The following ABLIM1 variants were observed in gnomAD, a reference collection of about 807,000 sequenced individuals.
ABLIM1 encodes actin binding LIM protein 1, also known as actin-binding LIM protein 1.
ABLIM1 carries 40 observed loss-of-function variants against 107.0 expected under a neutral mutation model. That is an observed-to-expected ratio of 0.37 (90% CI 0.29 to 0.49). ABLIM1 has a LOEUF of 0.49. Ranked by LOEUF, ABLIM1 falls within the 20% of genes least tolerant of loss-of-function variation. The probability of loss-of-function intolerance (pLI) is 0.97; values close to 1 mark genes in which losing one functional copy is unlikely to be tolerated. For missense variants in ABLIM1, 857 were observed against 1,008.5 expected, an observed-to-expected ratio of 0.85 and a Z score of 2.04; for synonymous variants, 357 against 357.3, an observed-to-expected ratio of 1.00 and a Z score of 0.01.
intron 12 of ABLIM1, among the ~76,000 whole-genome samples, chr10:114,459,573 A>C (rs2063470200): frequency 6.6e-6 from 1 of 150,962 alleles, no homozygotes; most frequent in Admixed American, 6.6e-5. Context: ...TTTTTTTTAC[A>C]CTGCTCCCTG....
upstream of ABLIM1, among the ~76,000 whole-genome samples, chr10:114,661,514 G>C (rs1229013331): frequency 1.3e-5 from 2 of 152,202 alleles, no homozygotes; most frequent in Non-Finnish European, 2.9e-5. Context: ...CACAGTTGGG[G>C]AAGACCCTAA....
At chr10:114,776,897 T>C in the ABLIM1 span, among the ~76,000 whole-genome samples, 8 of 152,194 alleles carry the variant, frequency 5.3e-5, no homozygotes, top group Non-Finnish European at 7.3e-5. Context: ...GGATTACAGG[T>C]GTGAGCCATC....
chr10:114,664,617 C>T (rs144573389), intron 1 of ABLIM1, among the ~76,000 whole-genome samples: 3,627 of 151,704 alleles, frequency 0.024, 113 homozygotes, highest in African/African-American at 0.076. Flanking sequence ...GATCTTGGCT[C>T]ACTGCAACCT....
At chr10:114,637,035 TAAAAA>T (rs3061732) in intron 1 of ABLIM1, among the ~76,000 whole-genome samples, 8 of 104,034 alleles carry the variant, frequency 7.7e-5, no homozygotes, top group Admixed American at 1.2e-4. Flanking sequence ...GCTGTCTCTT[TAAAAA>T]AAAAAAAAAA....
chr10:114,669,101 T>G (rs1263558811), intron 1 of ABLIM1, among the ~76,000 whole-genome samples: 1 of 152,234 alleles, frequency 6.6e-6, no homozygotes. Flanking sequence ...ATATGAAAAC[T>G]GCCCATCTAG....
intron 2 of ABLIM1, among the ~76,000 whole-genome samples, chr10:114,598,625 A>G (rs1457194927): frequency 6.6e-6 from 1 of 151,984 alleles, no homozygotes; most frequent in East Asian, 1.9e-4. Flanking sequence ...ACAAACAAAA[A>G]AAGAAATGTG....
At chr10:114,689,098 C>T (rs917937270), upstream of ABLIM1, among the ~76,000 whole-genome samples, 5 of 152,206 alleles carry the variant, frequency 3.3e-5, no homozygotes, top group South Asian at 4.2e-4. Flanking sequence ...GGGAGGCCAT[C>T]GTAGCAGGCT....
chr10:114,571,345 A>G lies in ABLIM1; in HGVS notation c.625T>C (p.Cys209Arg). The change falls in exon 4 of 23, where the codon TGT becomes CGT. Residue 209 changes from cysteine (C) to arginine (R), a missense_variant. This residue lies in a region of ABLIM1 where 381 missense variants were observed against 506.9 expected (regional missense o/e 0.75). Transcript: ENST00000533213. ...GGACTGGACGACATCGGCTGTGCACAGAGTTGACAAAGGCAGTCTCTCCCA... is the reference window on the plus strand; with the variant it reads ...GGACTGGACGACATCGGCTGTGCACGGAGTTGACAAAGGCAGTCTCTCCCA... ...FNGRDCLCQL[C>R]AQPMSSSPKE... 1 of 1,614,222 alleles carries G rather than the reference A, an allele frequency of 6.2e-7. No individual in the cohort carries two copies. The highest frequency in any genetic ancestry group is 8.5e-7 in the Non-Finnish European group (1 of 1,180,036).
chr10:114,505,176 T>A (rs1377847437), intron 6 of ABLIM1, among the ~76,000 whole-genome samples: 1 of 152,234 alleles, frequency 6.6e-6, no homozygotes, highest in African/African-American at 2.4e-5. Flanking sequence ...AAATTCATCA[T>A]GCTTCTGGCT....
rs932002413 is a variant in ABLIM1, at chr10:114,524,344, C to T, written c.894+20661G>A. 7.2e-5 allele frequency among the ~76,000 whole-genome samples: 11 copies of T among 152,072 alleles called. 1 individual carries two copies. Among genetic ancestry groups the T allele is most frequent in the African/African-American group, 2.4e-4 (10 of 41,398 alleles). On this transcript the variant is annotated intron_variant, in intron 6 of 22. Coordinates refer to ENST00000533213, the MANE Select transcript of ABLIM1 (RefSeq NM_002313.7). ...CTAAAGGTGTAAGAAAAATTTTAAA[C>T]GGAAAAAATCCCAGCCATTGACTTC...
At chr10:114,585,712 C>A (rs1435347572) in intron 2 of ABLIM1, among the ~76,000 whole-genome samples, 2 of 152,176 alleles carry the variant, frequency 1.3e-5, no homozygotes, top group African/African-American at 4.8e-5. Flanking sequence ...TTCTTTTTAC[C>A]ACTATGGTGA....
chr10:114,468,274 T>C, intron 10 of ABLIM1, 58 bp from the exon 11 acceptor site: 4 of 1,492,840 alleles, frequency 2.7e-6, no homozygotes, highest in Non-Finnish European at 3.7e-6. Flanking sequence ...TGCCGTTTTG[T>C]TTGTTTGTTT....
chr10:114,758,243 G>A (rs1175714824), intron 1 of ABLIM1, among the ~76,000 whole-genome samples: 1 of 152,072 alleles, frequency 6.6e-6, no homozygotes, highest in Non-Finnish European at 1.5e-5. Flanking sequence ...CTTAGTAGGT[G>A]TTCAACTCAT....
chr10:114,613,471 C>A (rs1321137020), intron 1 of ABLIM1, among the ~76,000 whole-genome samples: 1 of 152,150 alleles, frequency 6.6e-6, no homozygotes, highest in Non-Finnish European at 1.5e-5. Flanking sequence ...CTCTTCCTGC[C>A]CTCTGGAGAG....
At chr10:114,753,339 C>T (rs2082559310) in intron 1 of ABLIM1, among the ~76,000 whole-genome samples, 1 of 152,138 alleles carries the variant, frequency 6.6e-6, no homozygotes, top group Non-Finnish European at 1.5e-5. Flanking sequence ...TTCTGAATCA[C>T]CAGTAAAGCT....
At chr10:114,733,569 T>A (rs2082119572) in intron 1 of ABLIM1, among the ~76,000 whole-genome samples, 1 of 152,170 alleles carries the variant, frequency 6.6e-6, no homozygotes, top group African/African-American at 2.4e-5. Flanking sequence ...CCTACTGAGA[T>A]AAATCCTTCA....
At chr10:114,469,682 C>T (rs1037596947) in intron 10 of ABLIM1, among the ~76,000 whole-genome samples, 1 of 152,196 alleles carries the variant, frequency 6.6e-6, no homozygotes, top group African/African-American at 2.4e-5. Context: ...TGTCTGTCTC[C>T]CACGTGATGC....
At position 114,538,067 on chromosome 10, in the gene ABLIM1, T is replaced by C. The variant is rs547172787; in HGVS notation, c.894+6938A>G. Among the ~76,000 whole-genome samples, 3 of 152,234 alleles carry C rather than the reference T, an allele frequency of 2.0e-5. No homozygotes were observed. In the South Asian group the frequency reaches 6.2e-4, roughly 32 times the overall value. ...CAGAACAAGACCTACTCACTGCTTA[T>C]GATTACTGCCACATAACATACTTAA... On this transcript the variant is annotated intron_variant, in intron 6 of 22. Coordinates refer to ENST00000533213, the MANE Select transcript of ABLIM1 (RefSeq NM_002313.7).
At chr10:114,720,957 G>C (rs968062622) in intron 1 of ABLIM1, among the ~76,000 whole-genome samples, 21 of 152,180 alleles carry the variant, frequency 1.4e-4, no homozygotes, top group African/African-American at 5.1e-4. Context: ...AACCCAGAAG[G>C]TCTGAGACCC....
Sources: gnomAD v4.1 joint callset for allele counts (sites outside exome capture counted in the v4.1 genomes callset) on GRCh38, gnomAD v4.1.1 for gene constraint, gnomAD v4.1.1 regional missense constraint, MANE v1.5 for transcripts, NCBI Gene and HGNC (gene_info 2026-07-23, HGNC 2026-07-21) for gene names.